DPP6: variants seen among roughly 807,000 people sequenced by gnomAD.
DPP6 encodes A-type potassium channel modulatory protein DPP6.
In DPP6, 69 loss-of-function variants were observed where a neutral mutation model predicts 122.6. That is an observed-to-expected ratio of 0.56 (90% CI 0.46 to 0.69). The LOEUF (loss-of-function observed/expected upper bound fraction) is 0.69, where lower values mean the gene tolerates loss of function less well. DPP6 is among the 30% of genes least tolerant of loss of function. DPP6 has a pLI of 0.00. For synonymous variants in DPP6, 418 were observed against 433.1 expected, an observed-to-expected ratio of 0.97 and a Z score of 0.43; for missense variants, 928 against 1,116.9, an observed-to-expected ratio of 0.83 and a Z score of 2.41.
intron 1 of DPP6, among the ~76,000 whole-genome samples, chr7:154,060,309 C>A (rs1447497707): frequency 3.1e-5 from 4 of 130,018 alleles, no homozygotes; most frequent in South Asian, 2.5e-4. Flanking sequence ...CCCCCTGGCT[C>A]TTAGGACCCC....
At chr7:154,599,290 TC>T (rs150254741) in intron 5 of DPP6, among the ~76,000 whole-genome samples, 1,581 of 152,266 alleles carry the variant, frequency 0.01, 14 homozygotes, top group Non-Finnish European at 0.015. Context: ...GGACTGCCAT[TC>T]CGTTTTAAAG....
intron 1 of DPP6, among the ~76,000 whole-genome samples, chr7:153,915,141 A>G (rs773933872): frequency 3.9e-5 from 6 of 152,202 alleles, no homozygotes; most frequent in Non-Finnish European, 8.8e-5. Flanking sequence ...TTAAAGCTTG[A>G]GTTGTGGCCC....
intron 5 of DPP6, among the ~76,000 whole-genome samples, chr7:154,568,858 A>T (rs1184032700): frequency 6.6e-6 from 1 of 152,212 alleles, no homozygotes; most frequent in Non-Finnish European, 1.5e-5. Context: ...AAATGTAAAA[A>T]GTCTATAGAA....
chr7:154,227,815 C>G (rs1800700012), intron 1 of DPP6, among the ~76,000 whole-genome samples: 2 of 152,110 alleles, frequency 1.3e-5, no homozygotes, highest in African/African-American at 4.8e-5. Flanking sequence ...AGGGTGGAAA[C>G]CCCTGCTATT....
intron 1 of DPP6, among the ~76,000 whole-genome samples, chr7:154,387,942 CT>C (rs34081459): frequency 0.7 from 105,334 of 151,400 alleles, 37,737 homozygotes; most frequent in South Asian, 0.8. Flanking sequence ...GAATTGCCTA[CT>C]TTTTTTTTTC....
chr7:154,150,294 T>C (rs993895349), intron 1 of DPP6, among the ~76,000 whole-genome samples: 5 of 152,250 alleles, frequency 3.3e-5, no homozygotes, highest in African/African-American at 1.2e-4. Flanking sequence ...CCTCAGCACT[T>C]GGGCACCCAC....
intron 5 of DPP6, among the ~76,000 whole-genome samples, chr7:154,616,085 G>T (rs1326598052): frequency 6.6e-6 from 1 of 152,168 alleles, no homozygotes; most frequent in African/African-American, 2.4e-5. Flanking sequence ...GGCCAGCTCA[G>T]CTTCCTGGGA....
At chr7:154,622,125 G>A (rs761143055) in intron 5 of DPP6, among the ~76,000 whole-genome samples, 1 of 152,176 alleles carries the variant, frequency 6.6e-6, no homozygotes, top group African/African-American at 2.4e-5. Context: ...CTCACCAAGA[G>A]ACGGTAATGA....
intron 1 of DPP6, among the ~76,000 whole-genome samples, chr7:154,332,036 G>T (rs998275177): frequency 4.0e-5 from 6 of 151,596 alleles, no homozygotes; most frequent in African/African-American, 1.5e-4. Context: ...ACTCAAAAAT[G>T]TGTTCTTCAT....
the DPP6 span, among the ~76,000 whole-genome samples, chr7:153,871,003 C>G: frequency 2.6e-5 from 4 of 152,198 alleles, no homozygotes; most frequent in African/African-American, 9.6e-5. Context: ...CTGATCATTC[C>G]TCTGGAAGTT....
intron 1 of DPP6, among the ~76,000 whole-genome samples, chr7:154,022,548 T>G (rs927044999): frequency 6.6e-6 from 1 of 152,198 alleles, no homozygotes; most frequent in African/African-American, 2.4e-5. Context: ...AATATGTGAT[T>G]GAAAGATGCA....
intron 1 of DPP6, among the ~76,000 whole-genome samples, chr7:154,125,615 T>C (rs1477183067): frequency 1.3e-5 from 2 of 152,174 alleles, no homozygotes; most frequent in African/African-American, 4.8e-5. Context: ...TTTGGTTATT[T>C]TATCAGTGCA....
chr7:154,420,111 C>A (rs1014300113), intron 1 of DPP6, among the ~76,000 whole-genome samples: 4 of 152,128 alleles, frequency 2.6e-5, no homozygotes, highest in Non-Finnish European at 5.9e-5. Context: ...CTGAGGCAGG[C>A]GGACCACCTG....
chr7:153,987,569 T>C (rs1585135629), intron 1 of DPP6, among the ~76,000 whole-genome samples: 4 of 148,626 alleles, frequency 2.7e-5, no homozygotes, highest in South Asian at 2.1e-4. Context: ...TTTTTTTTTT[T>C]CCCTCAGAAA....
At chr7:154,274,940 G>A (rs768087319) in intron 1 of DPP6, among the ~76,000 whole-genome samples, 7 of 152,216 alleles carry the variant, frequency 4.6e-5, no homozygotes, top group Non-Finnish European at 8.8e-5. Context: ...ATCACAGGCC[G>A]GGAGCTACAT....
At chr7:154,145,420 G>C (rs1400259484) in intron 1 of DPP6, among the ~76,000 whole-genome samples, 1 of 152,182 alleles carries the variant, frequency 6.6e-6, no homozygotes, top group Non-Finnish European at 1.5e-5. Context: ...AGGACTCTAA[G>C]CCCAAGAAAG....
intron 4 of DPP6, among the ~76,000 whole-genome samples, chr7:154,553,260 G>C (rs1829764147): frequency 6.6e-6 from 1 of 152,168 alleles, no homozygotes; most frequent in African/African-American, 2.4e-5. Flanking sequence ...ATAACACTTG[G>C]CTTCACTTTG....
At chr7:153,799,670 A>G in the DPP6 span, among the ~76,000 whole-genome samples, 1 of 152,122 alleles carries the variant, frequency 6.6e-6, no homozygotes, top group Non-Finnish European at 1.5e-5. Context: ...TTCTGCAAAA[A>G]TGTTTGAAAT....
chr7:154,480,265 C>T (rs1941439003), intron 3 of DPP6, among the ~76,000 whole-genome samples: 1 of 152,176 alleles, frequency 6.6e-6, no homozygotes, highest in African/African-American at 2.4e-5. Flanking sequence ...TCCCTGTTCC[C>T]CTTTGCAGCC....
Sources: gnomAD v4.1 joint callset for allele counts (sites outside exome capture counted in the v4.1 genomes callset) on GRCh38, gnomAD v4.1.1 for gene constraint, MANE v1.5 for transcripts, NCBI Gene and HGNC (gene_info 2026-07-23, HGNC 2026-07-21) for gene names.